The following SCAF11 variants were observed in gnomAD, a reference collection of about 807,000 sequenced individuals.
The protein encoded by SCAF11 is SR-related CTD associated factor 11.
A neutral mutation model predicts 140.5 loss-of-function variants in SCAF11; 47 were observed. That is an observed-to-expected ratio of 0.33 (90% CI 0.26 to 0.43). The LOEUF is 0.43. Ranked by LOEUF, SCAF11 falls within the 20% of genes least tolerant of loss-of-function variation. The pLI, the probability that SCAF11 is intolerant of heterozygous loss-of-function variation, is 1.00. For missense variants in SCAF11, 1,645 were observed against 1,705.1 expected (o/e 0.96, Z 0.62); for synonymous variants, 557 against 579.4 (o/e 0.96, Z 0.55).
At chr12:45,946,886 C>T (rs1945435164) in intron 5 of SCAF11, among the ~76,000 whole-genome samples, 1 of 152,064 alleles carries the variant, frequency 6.6e-6, no homozygotes. Context: ...AGGGGGTATT[C>T]CATGAATACC....
chr12:45,945,790 C>T (rs1468629007), intron 5 of SCAF11, among the ~76,000 whole-genome samples: 1 of 151,898 alleles, frequency 6.6e-6, no homozygotes, highest in Non-Finnish European at 1.5e-5. Context: ...GCCTTGGCCT[C>T]CCTAAGTGCT....
chr12:45,931,960 T>A (rs555515203), intron 9 of SCAF11, among the ~76,000 whole-genome samples: 6 of 152,200 alleles, frequency 3.9e-5, no homozygotes, highest in Admixed American at 2.6e-4. Flanking sequence ...TCTAAAAAAA[T>A]AAAATCAACT....
intron 3 of SCAF11, among the ~76,000 whole-genome samples, chr12:45,959,962 A>T (rs755588126): frequency 6.6e-6 from 1 of 152,214 alleles, no homozygotes; most frequent in African/African-American, 2.4e-5. Context: ...CAGCATAAAG[A>T]TAAGTACTTT....
Position 45,948,540 on chromosome 12 carries a change from A to G in SCAF11, c.298-3T>C. 2 of 1,569,392 alleles carry G rather than the reference A, an allele frequency of 1.3e-6. No individual in the cohort carries two copies. Reference sequence around the variant, plus strand: ...CTCAGCTGTTTTTTTACTTGAACCTATGAGAAAAGCAAAATCAATTTAGAG... The same window carrying G: ...CTCAGCTGTTTTTTTACTTGAACCTGTGAGAAAAGCAAAATCAATTTAGAG... On this transcript the variant is annotated splice_polypyrimidine_tract_variant and splice_region_variant and intron_variant, in intron 4 of 14. Transcript: ENST00000369367.
chr12:45,945,149 T>C, intron 6 of SCAF11, 100 bp downstream of exon 6: 2 of 765,124 alleles, frequency 2.6e-6, no homozygotes, highest in South Asian at 1.5e-5. Flanking sequence ...CTGAGGACTA[T>C]TTTCCAGCCT....
intron 6 of SCAF11, among the ~76,000 whole-genome samples, chr12:45,940,918 C>T (rs1455436907): frequency 3.3e-5 from 5 of 152,204 alleles, no homozygotes; most frequent in Admixed American, 1.3e-4. Context: ...GATCCTCCCA[C>T]CTCAGCCTCC....
At chr12:45,960,640 C>T (rs1355423189) in intron 3 of SCAF11, 1 of 152,066 alleles carries the variant, frequency 6.6e-6, no homozygotes, top group East Asian at 1.9e-4. Context: ...TTAGGTTTTA[C>T]TAAATTAAAA....
At chr12:45,933,444 T>G (rs553666864) in intron 8 of SCAF11, among the ~76,000 whole-genome samples, 1 of 152,154 alleles carries the variant, frequency 6.6e-6, no homozygotes, top group Non-Finnish European at 1.5e-5. Context: ...GTTGTATTTA[T>G]ATGATTGTTA....
At chr12:45,935,329 T>C (rs1945145052) in intron 6 of SCAF11, among the ~76,000 whole-genome samples, 1 of 152,260 alleles carries the variant, frequency 6.6e-6, no homozygotes, top group Non-Finnish European at 1.5e-5. Flanking sequence ...AGCTGTTTGG[T>C]TTTGCACAAG....
intron 1 of SCAF11, among the ~76,000 whole-genome samples, chr12:45,987,711 A>T (rs1946491274): frequency 6.6e-6 from 1 of 152,214 alleles, no homozygotes; most frequent in Non-Finnish European, 1.5e-5. Context: ...GACTTAAATC[A>T]TAGAGCCTTG....
At chr12:45,941,868 G>A (rs1319086988) in intron 6 of SCAF11, among the ~76,000 whole-genome samples, 2 of 152,292 alleles carry the variant, frequency 1.3e-5, no homozygotes, top group East Asian at 3.9e-4. Context: ...AAGTTACACT[G>A]AGTGTGCTTG....
chr12:45,939,330 T>G (rs929286227), intron 6 of SCAF11, among the ~76,000 whole-genome samples: 1 of 152,188 alleles, frequency 6.6e-6, no homozygotes, highest in Admixed American at 6.6e-5. Context: ...GTATAACAAA[T>G]GACTTCAGAT....
chr12:45,932,146 C>T (rs371758000), intron 9 of SCAF11, among the ~76,000 whole-genome samples: 59 of 152,132 alleles, frequency 3.9e-4, no homozygotes, highest in African/African-American at 1.3e-3. Context: ...CTTCTCCCTC[C>T]TTTCCAGGCA....
chr12:45,955,071 TATC>T (rs770917982), intron 3 of SCAF11: 10 of 151,994 alleles, frequency 6.6e-5, no homozygotes, highest in Non-Finnish European at 1.0e-4. Context: ...TACTGCCATA[TATC>T]ATCACAATCT....
chr12:45,983,760 C>CAG (rs1471012164), intron 1 of SCAF11, among the ~76,000 whole-genome samples: 8 of 150,914 alleles, frequency 5.3e-5, no homozygotes, highest in Non-Finnish European at 3.0e-5. Context: ...CACACACACA[C>CAG]ACACACACAC....
intron 2 of SCAF11, among the ~76,000 whole-genome samples, chr12:45,963,121 G>C (rs1007799582): frequency 2.0e-5 from 3 of 152,272 alleles, no homozygotes; most frequent in African/African-American, 7.2e-5. Context: ...CATAGCCTGT[G>C]AAACAGGTTA....
chr12:45,960,641 T>C (rs1308999298), intron 3 of SCAF11: 2 of 152,144 alleles, frequency 1.3e-5, no homozygotes, highest in African/African-American at 4.8e-5. Context: ...TAGGTTTTAC[T>C]AAATTAAAAT....
At chr12:45,967,955 AG>A (rs1221058476) in intron 1 of SCAF11, among the ~76,000 whole-genome samples, 1 of 152,242 alleles carries the variant, frequency 6.6e-6, no homozygotes, top group Non-Finnish European at 1.5e-5. Flanking sequence ...ATCCAGTGAC[AG>A]GAACACAGTA....
intron 6 of SCAF11, among the ~76,000 whole-genome samples, 189 bp from the exon 7 acceptor site, chr12:45,934,694 A>G (rs1158739977): frequency 1.3e-5 from 2 of 152,210 alleles, no homozygotes; most frequent in Non-Finnish European, 2.9e-5. Context: ...AGCTATTACT[A>G]CAAGTAAAAT....
Sources: gnomAD v4.1 joint callset for allele counts (sites outside exome capture counted in the v4.1 genomes callset) on GRCh38, gnomAD v4.1.1 for gene constraint, MANE v1.5 for transcripts, NCBI Gene and HGNC (gene_info 2026-07-23, HGNC 2026-07-21) for gene names.